Variants in ASTN2 observed in about 807,000 individuals in gnomAD.
ASTN2 encodes astrotactin-2.
A neutral mutation model predicts 139.8 loss-of-function variants in ASTN2; 54 were observed. The observed-to-expected ratio is 0.39, with a 90% CI of 0.31 to 0.48. The LOEUF is 0.48. Ranked by LOEUF, ASTN2 falls within the 20% of genes least tolerant of loss-of-function variation. ASTN2 has a pLI of 0.95. For missense variants in ASTN2, 1,565 were observed against 1,725.1 expected (o/e 0.91, Z 1.64); for synonymous variants, 756 against 719.5 (o/e 1.05, Z -0.81).
chr9:117,085,546 T>C (rs1828539477), intron 5 of ASTN2, among the ~76,000 whole-genome samples: 1 of 152,212 alleles, frequency 6.6e-6, no homozygotes, highest in Non-Finnish European at 1.5e-5. Flanking sequence ...TACGTTTTCC[T>C]ACCTGACCAA....
At chr9:117,061,256 G>C (rs907268894) in intron 5 of ASTN2, among the ~76,000 whole-genome samples, 1 of 151,946 alleles carries the variant, frequency 6.6e-6, no homozygotes, top group Non-Finnish European at 1.5e-5. Flanking sequence ...TTTGTATCCT[G>C]TGGCCAGCAC....
intron 19 of ASTN2, among the ~76,000 whole-genome samples, chr9:116,552,926 T>A (rs1360764724): frequency 6.6e-6 from 1 of 152,140 alleles, no homozygotes; most frequent in African/African-American, 2.4e-5. Context: ...ATTAGTGTGA[T>A]GAAGAGAATG....
chr9:116,760,550 G>C (rs1326529966), intron 13 of ASTN2, among the ~76,000 whole-genome samples: 1 of 152,194 alleles, frequency 6.6e-6, no homozygotes, highest in African/African-American at 2.4e-5. Flanking sequence ...ACAATGGGAG[G>C]ATTCCGAGCG....
At chr9:116,837,001 AGCCATGTTAAG>A (rs1293474680) in intron 11 of ASTN2, among the ~76,000 whole-genome samples, 1 of 152,148 alleles carries the variant, frequency 6.6e-6, no homozygotes, top group Non-Finnish European at 1.5e-5. Context: ...CCGTGACTTC[AGCCATGTTAAG>A]GCACCTGGAG....
rs370125247 is a variant in ASTN2 at position 117,125,832 on chromosome 9, G to A, written c.1168+15494C>T. On this transcript the variant is annotated intron_variant, in intron 4 of 22. Coordinates refer to ENST00000313400, the MANE Select transcript of ASTN2 (RefSeq NM_001365068.1). ...CAAAAGGATCATTTCATTGCGGCGG[G>A]GGGGGGAATTGGATTGCAAAGGATT... Among the ~76,000 whole-genome samples, 30 of 151,848 alleles carry A rather than the reference G, an allele frequency of 2.0e-4. No homozygotes were observed. In the South Asian group the frequency reaches 3.3e-3, roughly 17 times the overall value.
At chr9:117,070,117 C>A (rs1393263782) in intron 5 of ASTN2, among the ~76,000 whole-genome samples, 4 of 141,514 alleles carry the variant, frequency 2.8e-5, no homozygotes, top group African/African-American at 7.9e-5. Flanking sequence ...ATGGTCTTTA[C>A]ATTTTGGCAT....
At chr9:116,734,972 G>T (rs1828888083) in intron 13 of ASTN2, among the ~76,000 whole-genome samples, 1 of 152,238 alleles carries the variant, frequency 6.6e-6, no homozygotes, top group East Asian at 1.9e-4. Flanking sequence ...TTTATAATTT[G>T]CTAGGATCTA....
intron 1 of ASTN2, among the ~76,000 whole-genome samples, chr9:117,408,195 T>A (rs761484430): frequency 1.6e-4 from 25 of 151,636 alleles, no homozygotes; most frequent in Non-Finnish European, 3.1e-4. Flanking sequence ...CCCTTTATGA[T>A]GCTGAACTAA....
chr9:117,249,112 G>A (rs1034460600), intron 2 of ASTN2, among the ~76,000 whole-genome samples: 2 of 152,192 alleles, frequency 1.3e-5, no homozygotes, highest in African/African-American at 2.4e-5. Context: ...CATTTGCAAG[G>A]GAAGGAAAGA....
intron 19 of ASTN2, among the ~76,000 whole-genome samples, chr9:116,575,064 C>A (rs1853669484): frequency 6.6e-6 from 1 of 152,098 alleles, no homozygotes; most frequent in South Asian, 2.1e-4. Flanking sequence ...AATTAGAACA[C>A]CCTTCTTTCT....
chr9:117,364,562 T>C (rs111425518), intron 1 of ASTN2, among the ~76,000 whole-genome samples: 29 of 152,238 alleles, frequency 1.9e-4, no homozygotes, highest in African/African-American at 7.0e-4. Context: ...CGAAAGATTA[T>C]TGAGGAAGAT....
intron 13 of ASTN2, among the ~76,000 whole-genome samples, chr9:116,744,179 T>C (rs1449468931): frequency 2.6e-5 from 4 of 152,110 alleles, no homozygotes; most frequent in Non-Finnish European, 4.4e-5. Context: ...TGTGGGCGCA[T>C]GTGTGTGTAT....
chr9:116,726,083 G>C (rs1828615147), intron 15 of ASTN2, 133 bp from the exon 16 acceptor site: 2 of 738,846 alleles, frequency 2.7e-6, no homozygotes, highest in Non-Finnish European at 4.3e-6. Flanking sequence ...CTTGGTGGCT[G>C]CACTAGTCCA....
chr9:116,943,639 A>G (rs559179944), intron 10 of ASTN2, among the ~76,000 whole-genome samples: 2 of 152,324 alleles, frequency 1.3e-5, no homozygotes, highest in South Asian at 4.1e-4. Flanking sequence ...GATCAAAATC[A>G]TCACGGCTTC....
In ASTN2 at chr9:116,621,123, C is replaced by G. The variant is rs1856124299; in HGVS notation, c.3073-680G>C. Among the ~76,000 whole-genome samples, 3 of 152,130 alleles carry G rather than the reference C, an allele frequency of 2.0e-5. No individual in the cohort carries two copies. The South Asian group carries it at 6.2e-4, about 32-fold the overall frequency. ...AATTCCTGTTTATATAAAATGTGCT[C>G]TAAATCAGGAGCCAGAAAACAGTTT... On this transcript the variant is annotated intron_variant, in intron 17 of 22. Coordinates refer to ENST00000313400, the MANE Select transcript of ASTN2 (RefSeq NM_001365068.1).
intron 10 of ASTN2, among the ~76,000 whole-genome samples, chr9:116,959,308 T>G (rs1835812657): frequency 6.6e-6 from 1 of 152,082 alleles, no homozygotes; most frequent in South Asian, 2.1e-4. Context: ...ACAAGAGGTA[T>G]GAGGACCTAA....
rs937591403 is a variant in ASTN2 at position 116,844,788 on chromosome 9, A to G, written c.2040+18795T>C. 2.0e-5 allele frequency among the ~76,000 whole-genome samples: 3 copies of G among 152,170 alleles called. No homozygotes were observed. In the East Asian group the frequency reaches 5.8e-4, roughly 29 times the overall value. On this transcript the variant is annotated intron_variant, in intron 11 of 22. Transcript: ENST00000313400. ...TTGCTTAGTTTTGGCTTGAGTTCCA[A>G]TGAAATACCAACAGGCCATTATCCC...
At chr9:117,388,030 C>CT (rs1830445020) in intron 1 of ASTN2, among the ~76,000 whole-genome samples, 1 of 152,126 alleles carries the variant, frequency 6.6e-6, no homozygotes, top group Non-Finnish European at 1.5e-5. Context: ...CAAGGAAGGG[C>CT]TTTGGGCCCC....
rs552828179 is a variant in ASTN2, at chr9:116,510,090, G to C, written c.3356-22590C>G. Reference sequence around the variant, plus strand: ...ACACGAAGTCCTTGCCCATGCCTATGTCCTGAATGGTATTGCCTAGGTTTT... The same window carrying C: ...ACACGAAGTCCTTGCCCATGCCTATCTCCTGAATGGTATTGCCTAGGTTTT... On this transcript the variant is annotated intron_variant, in intron 19 of 22. Transcript: ENST00000313400. Among the ~76,000 whole-genome samples, 76 of 152,304 alleles carry C rather than the reference G, an allele frequency of 5.0e-4. 1 individual carries two copies. Among genetic ancestry groups the C allele is most frequent in the African/African-American group, 1.8e-3 (75 of 41,570 alleles).
Sources: allele counts gnomAD v4.1 joint callset (sites outside exome capture counted in the v4.1 genomes callset), GRCh38; gene constraint gnomAD v4.1.1; transcripts MANE v1.5; gene names NCBI Gene and HGNC (gene_info 2026-07-23, HGNC 2026-07-21).